The following LPIN2 variants were observed in gnomAD, a reference collection of about 807,000 sequenced individuals.
LPIN2 encodes lipin 2, also known as phosphatidate phosphatase LPIN2.
Under a neutral mutation model 111.4 loss-of-function variants are expected in LPIN2, and 55 were observed. The observed-to-expected ratio is 0.49, with a 90% CI of 0.40 to 0.62. LPIN2 has a LOEUF of 0.62. LPIN2 is among the 20% of genes least tolerant of loss of function. The pLI, the probability that LPIN2 is intolerant of heterozygous loss-of-function variation, is 0.00. For missense variants in LPIN2, 992 were observed against 1,112.1 expected (o/e 0.89, Z 1.54); for synonymous variants, 425 against 414.0 (o/e 1.03, Z -0.32).
At position 2,917,300 on chromosome 18, in the gene LPIN2, G is replaced by T. The variant is rs555401750; in HGVS notation, c.*2993C>A. On this transcript the variant is annotated 3_prime_UTR_variant, in exon 20 of 20. Transcript: ENST00000677752. Reference sequence around the variant, plus strand: ...GGAAAGAGCACTTACTTCAGGGAAAGACTCAATTTTTAACCAGTTTTATTA... The same window carrying T: ...GGAAAGAGCACTTACTTCAGGGAAATACTCAATTTTTAACCAGTTTTATTA... 5.2e-4 allele frequency: 79 copies of T among 152,332 alleles called. No homozygotes were observed. The highest frequency in any genetic ancestry group is 1.8e-3 in the African/African-American group (75 of 41,586). 9.4% of individuals were successfully genotyped at this position (152,332 alleles called of 1,614,324 possible). A position where few individuals can be genotyped will look rare whatever the true frequency, so the allele number is the denominator to read the frequency against.
At position 2,922,040 on chromosome 18, in the gene LPIN2, G is replaced by C; in HGVS notation, c.2327+7C>G. ...GGTGGGCAGAGGGCTGCCTGCCGGAGAGGTACCTGTGGAAGGCGGAGAACA... is the reference window on the plus strand; with the variant it reads ...GGTGGGCAGAGGGCTGCCTGCCGGACAGGTACCTGTGGAAGGCGGAGAACA... On this transcript the variant is annotated splice_region_variant and intron_variant, in intron 17 of 19. Coordinates refer to ENST00000677752, the MANE Select transcript of LPIN2 (RefSeq NM_001375808.2). The C allele has an allele frequency of 1.2e-6, 2 of 1,611,226 alleles. No homozygotes were observed. Among genetic ancestry groups the C allele is most frequent in the East Asian group, 4.5e-5 (2 of 44,808 alleles).
intron 1 of LPIN2, among the ~76,000 whole-genome samples, chr18:2,967,233 C>T (rs760098878): frequency 1.3e-5 from 2 of 152,158 alleles, no homozygotes; most frequent in African/African-American, 2.4e-5. Context: ...CAACTTTCTC[C>T]ACTACCTCTG....
intron 1 of LPIN2, among the ~76,000 whole-genome samples, chr18:3,007,723 T>C (rs2078538486): frequency 1.3e-5 from 2 of 152,208 alleles, no homozygotes; most frequent in South Asian, 4.1e-4. Context: ...AAAATATCCA[T>C]AACAATTCAA....
At position 2,924,401 on chromosome 18, in the gene LPIN2, G is replaced by A; in HGVS notation, c.2084C>T (p.Thr695Ile). 1.2e-6 allele frequency: 2 copies of A among 1,614,078 alleles called. No individual in the cohort carries two copies. The highest frequency in any genetic ancestry group is 1.7e-6 in the Non-Finnish European group (2 of 1,180,016). Residue 695 changes from threonine to isoleucine, a missense_variant, in exon 15 of 20, where the codon ACC becomes ATC. By Grantham distance (89) the Thr-to-Ile change is moderately conservative. Transcript: ENST00000677752. Reference protein sequence around the residue: ...IIISDIDGTITKSDALGQILP... With the variant: ...IIISDIDGTIIKSDALGQILP... ...CCACCTGAAGGATTGAGCTTACTTGGTTATTGTCCCATCAATATCAGAAAT... is the reference window on the plus strand; with the variant it reads ...CCACCTGAAGGATTGAGCTTACTTGATTATTGTCCCATCAATATCAGAAAT...
rs751458287 is a variant in LPIN2 at position 2,939,443 on chromosome 18, A to G, written c.822+37T>C. On this transcript the variant is annotated intron_variant, in intron 6 of 19. Coordinates refer to ENST00000677752, the MANE Select transcript of LPIN2 (RefSeq NM_001375808.2). ...AGAGGAATTCGTCACTTGTTTAATC[A>G]TTAACACACTTTCCACAGGCAAGTA... 1.2e-5 allele frequency: 19 copies of G among 1,611,712 alleles called. No homozygotes were observed. In the East Asian group the frequency reaches 3.8e-4, roughly 32 times the overall value.
At chr18:2,951,427 A>G in intron 3 of LPIN2, 71 bp from the exon 4 acceptor site, 1 of 1,292,090 alleles carries the variant, frequency 7.7e-7, no homozygotes, top group African/African-American at 1.6e-5. Flanking sequence ...TAATATTTTG[A>G]ATATATAAAT....
chr18:2,933,522 A>G (rs2077242812), intron 8 of LPIN2, among the ~76,000 whole-genome samples: 1 of 152,250 alleles, frequency 6.6e-6, no homozygotes, highest in Non-Finnish European at 1.5e-5. Flanking sequence ...AGAGCTAGAA[A>G]GGAGTTTTAA....
intron 12 of LPIN2, 79 bp from the exon 13 acceptor site, chr18:2,926,884 G>A: frequency 9.1e-7 from 1 of 1,102,756 alleles, no homozygotes; most frequent in Non-Finnish European, 1.4e-6. Context: ...CCCTCTCTAG[G>A]AAAGAACACA....
chr18:2,959,079 T>C (rs998332755), intron 2 of LPIN2, among the ~76,000 whole-genome samples: 3 of 152,164 alleles, frequency 2.0e-5, no homozygotes, highest in African/African-American at 7.2e-5. Flanking sequence ...AAGAAAAAAT[T>C]TCAGAGAACC....
Position 2,951,274 on chromosome 18 carries a change from T to G in LPIN2, c.371A>C (p.Lys124Thr). The change falls in exon 4 of 20, where the codon AAA becomes ACA. Residue 124 changes from lysine to threonine, a missense_variant. Physicochemically the swap from Lys to Thr is moderately conservative, Grantham distance 78. Coordinates refer to ENST00000677752, the MANE Select transcript of LPIN2 (RefSeq NM_001375808.2). ...FFKDIDTPLV[K>T]SGGDETPSQS... is the part of the protein sequence containing the mutation. ...AGATGGTGTTTCATCTCCACCCGAT[T>G]TCACCAAAGGGGTGTCAATATCTTT... The G allele has an allele frequency of 6.2e-7, 1 of 1,614,140 alleles. No homozygotes were observed. Among genetic ancestry groups the G allele is most frequent in the Non-Finnish European group, 8.5e-7 (1 of 1,180,026 alleles).
chr18:2,973,370 TGCCAA>T (rs1487369594), intron 1 of LPIN2, among the ~76,000 whole-genome samples: 6 of 152,278 alleles, frequency 3.9e-5, no homozygotes, highest in Non-Finnish European at 8.8e-5. Context: ...TCCCCACCCA[TGCCAA>T]TCACTGATCT....
At chr18:2,960,025 G>T (rs1322964825) in intron 2 of LPIN2, among the ~76,000 whole-genome samples, 1 of 151,872 alleles carries the variant, frequency 6.6e-6, no homozygotes, top group Non-Finnish European at 1.5e-5. Flanking sequence ...AAAAAATTAG[G>T]GGGGCATGGT....
At chr18:2,995,884 C>G (rs2078332816) in intron 1 of LPIN2, among the ~76,000 whole-genome samples, 3 of 152,124 alleles carry the variant, frequency 2.0e-5, no homozygotes, top group South Asian at 4.1e-4. Context: ...TATGCTGTCC[C>G]TAAAGTGCAA....
In LPIN2 at chr18:2,925,327, T is replaced by C. The variant is rs2077114971; in HGVS notation, c.1835A>G (p.Glu612Gly). 6.2e-7 allele frequency: 1 copy of C among 1,614,032 alleles called. No individual in the cohort carries two copies. Among genetic ancestry groups the C allele is most frequent in the East Asian group, 2.2e-5 (1 of 44,876 alleles). Residue 612 changes from glutamate to glycine, a missense_variant, in exon 14 of 20, where the codon GAG (glutamate) becomes GGG (glycine). By Grantham distance (98) the Glu-to-Gly change is moderately conservative (BLOSUM62 -2). This residue lies in a region of LPIN2 where 709 missense variants were observed against 753.2 expected (regional missense o/e 0.94). Transcript: ENST00000677752. This position sits in a 1 kb window ranked among gnomAD's most constrained non-coding sequence, Gnocchi z 4.1. ...GTCCACTGTGATGGATTCTTCGAGC[T>C]CCTGTGATCCCTCGTCACTCGAGGA... ...NDSSSDEGSQELEESITVDPI... is the reference protein window; with the variant it reads ...NDSSSDEGSQGLEESITVDPI...
At chr18:3,000,977 G>T (rs2078427085) in intron 1 of LPIN2, among the ~76,000 whole-genome samples, 1 of 134,154 alleles carries the variant, frequency 7.5e-6, no homozygotes, top group African/African-American at 2.8e-5. Context: ...AAAAGAGGGG[G>T]GAGAGGGAGG....
chr18:2,982,804 T>A, intron 1 of LPIN2: 1 of 1,010,926 alleles, frequency 9.9e-7, no homozygotes, highest in Non-Finnish European at 1.4e-6. Context: ...TTTTCAGAGA[T>A]GAAGGTATAT....
chr18:2,949,864 T>G (rs1010492547), intron 4 of LPIN2, among the ~76,000 whole-genome samples: 1 of 152,170 alleles, frequency 6.6e-6, no homozygotes, highest in African/African-American at 2.4e-5. Context: ...TTTGGGAGGC[T>G]GAGGCGGGAG....
intron 1 of LPIN2, among the ~76,000 whole-genome samples, chr18:3,011,561 C>A (rs1215455434): frequency 6.6e-6 from 1 of 152,164 alleles, no homozygotes; most frequent in East Asian, 1.9e-4. Context: ...GTGGCTCATG[C>A]CTGTAATCCC....
intron 4 of LPIN2, among the ~76,000 whole-genome samples, chr18:2,943,838 A>G (rs1015729978): frequency 6.6e-6 from 1 of 152,186 alleles, no homozygotes; most frequent in African/African-American, 2.4e-5. Flanking sequence ...TATTTGTAAC[A>G]GAGCTAAACC....
Sources: allele counts gnomAD v4.1 joint callset (sites outside exome capture counted in the v4.1 genomes callset), GRCh38; gene constraint gnomAD v4.1.1; regional missense constraint gnomAD v4.1.1; non-coding constraint Gnocchi (gnomAD v3.1); transcripts MANE v1.5; gene names NCBI Gene and HGNC (gene_info 2026-07-23, HGNC 2026-07-21).